The following PTPRN2 variants were observed in gnomAD, a reference collection of about 807,000 sequenced individuals.
The protein encoded by PTPRN2 is protein tyrosine phosphatase receptor type N2, also known as receptor-type tyrosine-protein phosphatase N2.
PTPRN2 carries 74 observed loss-of-function variants against 118.8 expected under a neutral mutation model. The ratio of observed to expected loss-of-function variants is 0.62; its 90% CI spans 0.52 to 0.76. PTPRN2 has a LOEUF of 0.76. Ranked by LOEUF, PTPRN2 falls within the 30% of genes least tolerant of loss-of-function variation. PTPRN2 has a pLI of 0.00. For missense variants in PTPRN2, 1,481 were observed against 1,394.4 expected, an observed-to-expected ratio of 1.06 and a Z score of -0.99; for synonymous variants, 641 against 608.0, an observed-to-expected ratio of 1.05 and a Z score of -0.80.
chr7:158,145,924 T>A (rs1585608720), intron 6 of PTPRN2, among the ~76,000 whole-genome samples: 1 of 152,214 alleles, frequency 6.6e-6, no homozygotes, highest in East Asian at 1.9e-4. Context: ...CTCGCTCATT[T>A]CTTCATGCCT....
chr7:158,224,668 G>A (rs1331730153), intron 3 of PTPRN2, among the ~76,000 whole-genome samples: 1 of 152,126 alleles, frequency 6.6e-6, no homozygotes, highest in Admixed American at 6.5e-5. Flanking sequence ...GCTAGAGCTA[G>A]GCAAAAAGTT....
intron 2 of PTPRN2, among the ~76,000 whole-genome samples, chr7:158,474,514 A>G (rs1156618479): frequency 2.0e-5 from 3 of 152,278 alleles, no homozygotes; most frequent in African/African-American, 7.2e-5. Context: ...ACGGTCTTTC[A>G]AGAGCATCTT....
chr7:158,293,487 A>G (rs1800253030), intron 3 of PTPRN2, among the ~76,000 whole-genome samples: 1 of 151,968 alleles, frequency 6.6e-6, no homozygotes, highest in South Asian at 2.1e-4. Context: ...GAGGCAGGAG[A>G]ATCGTTCAAA....
chr7:158,492,376 G>A (rs1267290229), intron 1 of PTPRN2, among the ~76,000 whole-genome samples: 1 of 152,200 alleles, frequency 6.6e-6, no homozygotes, highest in Admixed American at 6.5e-5. Context: ...GGCAGATGAC[G>A]GAGCTCTGCT....
At chr7:158,208,013 C>T (rs1286539032) in intron 3 of PTPRN2, among the ~76,000 whole-genome samples, 1 of 152,142 alleles carries the variant, frequency 6.6e-6, no homozygotes, top group Non-Finnish European at 1.5e-5. Flanking sequence ...TGCAGAATGC[C>T]TCAGACTCTC....
At chr7:158,331,186 ACG>A (rs1804348633) in intron 2 of PTPRN2, among the ~76,000 whole-genome samples, 1 of 8,018 alleles carries the variant, frequency 1.2e-4, no homozygotes, top group African/African-American at 5.3e-4. Context: ...GAGCTGTCAC[ACG>A]CAGACGTCAC....
intron 11 of PTPRN2, among the ~76,000 whole-genome samples, chr7:157,950,506 C>T (rs1800742807): frequency 6.6e-6 from 1 of 152,200 alleles, no homozygotes; most frequent in Non-Finnish European, 1.5e-5. Flanking sequence ...CACTGCTGGT[C>T]TTGTCCTGCT....
At chr7:158,126,792 C>G (rs145777258) in intron 9 of PTPRN2, among the ~76,000 whole-genome samples, 2 of 152,180 alleles carry the variant, frequency 1.3e-5, no homozygotes, top group Admixed American at 1.3e-4. Flanking sequence ...GCTGGGGGAA[C>G]CTGCAGGGCC....
At chr7:157,762,029 CA>C (rs1349787945) in intron 12 of PTPRN2, among the ~76,000 whole-genome samples, 1 of 152,050 alleles carries the variant, frequency 6.6e-6, no homozygotes, top group African/African-American at 2.4e-5. Context: ...AAATGCAAAT[CA>C]AAACCACAAT....
intron 12 of PTPRN2, among the ~76,000 whole-genome samples, chr7:157,823,412 G>T (rs1043245414): frequency 2.0e-5 from 3 of 152,226 alleles, no homozygotes; most frequent in Non-Finnish European, 2.9e-5. Context: ...GACAATGAGC[G>T]TCCGTACCTG....
intron 17 of PTPRN2, among the ~76,000 whole-genome samples, chr7:157,586,938 G>C (rs1438974023): frequency 6.6e-6 from 1 of 152,222 alleles, no homozygotes; most frequent in African/African-American, 2.4e-5. Context: ...CCTCCACCGG[G>C]GCCAGGCCAG....
rs548178177 is a variant in PTPRN2 at position 158,390,254 on chromosome 7, G to T, written c.164-73322C>A. Among the ~76,000 whole-genome samples, 389 of 152,268 alleles carry T rather than the reference G, an allele frequency of 2.6e-3. 1 individual carries two copies. The highest frequency in any genetic ancestry group is 4.1e-3 in the Non-Finnish European group (282 of 68,030). ...TCACACAGCTCAGTGGCTGCTATGTGGAAATGGCCTCTCCTTGCAGCCAGG... is the reference window on the plus strand; with the variant it reads ...TCACACAGCTCAGTGGCTGCTATGTTGAAATGGCCTCTCCTTGCAGCCAGG... On this transcript the variant is annotated intron_variant, in intron 2 of 22. Coordinates refer to ENST00000389418, the MANE Select transcript of PTPRN2 (RefSeq NM_002847.5).
intron 10 of PTPRN2, among the ~76,000 whole-genome samples, chr7:158,095,153 A>T (rs992955450): frequency 5.9e-5 from 9 of 151,862 alleles, no homozygotes; most frequent in South Asian, 2.1e-4. Context: ...TCTGCCCCAA[A>T]GCCTCCTGCA....
At chr7:157,580,311 T>G (rs1468905854) in intron 17 of PTPRN2, among the ~76,000 whole-genome samples, 1 of 152,156 alleles carries the variant, frequency 6.6e-6, no homozygotes, top group Non-Finnish European at 1.5e-5. Context: ...ATGCAGTTCA[T>G]TGGAATGCGC....
chr7:158,077,155 C>T (rs571705916), intron 11 of PTPRN2, among the ~76,000 whole-genome samples: 7 of 152,274 alleles, frequency 4.6e-5, no homozygotes, highest in African/African-American at 1.7e-4. Context: ...GTCCAGGCAT[C>T]GGCACAGAGT....
rs1237564553 is a variant in PTPRN2, at chr7:157,625,144, A to T, written c.2197-3635T>A. On this transcript the variant is annotated intron_variant, in intron 14 of 22. Coordinates refer to ENST00000389418, the MANE Select transcript of PTPRN2 (RefSeq NM_002847.5). ...TTCGCTGCTGATGGGAATGTAAACT[A>T]GTACAGCCACTATAGAAAACAGTGT... Among the ~76,000 whole-genome samples, 3 of 152,244 alleles carry T rather than the reference A, an allele frequency of 2.0e-5. No individual in the cohort carries two copies. The East Asian group carries it at 5.8e-4, about 29-fold the overall frequency.
chr7:158,318,309 CT>C (rs1802519688), intron 2 of PTPRN2, among the ~76,000 whole-genome samples: 2 of 152,340 alleles, frequency 1.3e-5, no homozygotes, highest in East Asian at 3.9e-4. Flanking sequence ...TAAGGAGCGA[CT>C]TCAAACATAC....
intron 12 of PTPRN2, among the ~76,000 whole-genome samples, chr7:157,725,723 GAGCCAGACCC>G (rs1799545618): frequency 1.8e-5 from 1 of 54,074 alleles, no homozygotes. Flanking sequence ...GCAGAGGAGT[GAGCCAGACCC>G]TCACCTCCCA....
At chr7:157,920,305 G>A (rs1798626878) in intron 11 of PTPRN2, among the ~76,000 whole-genome samples, 2 of 152,116 alleles carry the variant, frequency 1.3e-5, no homozygotes, top group Non-Finnish European at 2.9e-5. Flanking sequence ...AAAGCACAAG[G>A]CCCTAAGTGT....
Sources: allele counts gnomAD v4.1 joint callset (sites outside exome capture counted in the v4.1 genomes callset), GRCh38; gene constraint gnomAD v4.1.1; transcripts MANE v1.5; gene names NCBI Gene and HGNC (gene_info 2026-07-23, HGNC 2026-07-21).